Variants in SH3D19 observed in about 807,000 individuals in gnomAD.
SH3D19 encodes the protein SH3 domain-containing protein 19.
SH3D19 carries 58 observed loss-of-function variants against 112.1 expected under a neutral mutation model. That is an observed-to-expected ratio of 0.52 (90% CI 0.42 to 0.64). The LOEUF is 0.64. Among genes scored for constraint, SH3D19 ranks in the 30% least tolerant of loss-of-function variants. The probability of loss-of-function intolerance (pLI) is 0.00; values close to 1 mark genes in which losing one functional copy is unlikely to be tolerated. For missense variants in SH3D19, 1,090 were observed against 1,263.4 expected (o/e 0.86, Z 2.08); for synonymous variants, 391 against 448.5 (o/e 0.87, Z 1.62).
chr4:151,133,458 C>T lies in SH3D19; in HGVS notation c.2487-222G>A, dbSNP rs143737321. ...GGCTGAAGCTCAAGGTCGCGGAGTG[C>T]ACGCAGCTGGGTGGTTAGTTTACCC... On this transcript the variant is annotated intron_variant, in intron 15 of 19. Coordinates refer to ENST00000604030, the MANE Select transcript of SH3D19 (RefSeq NM_001378122.1). Among the ~76,000 whole-genome samples, 219 of 152,248 alleles carry T rather than the reference C, an allele frequency of 1.4e-3. 3 individuals carry two copies. Among genetic ancestry groups the T allele is most frequent in the Admixed American group, 9.4e-3 (144 of 15,286 alleles).
At chr4:151,314,428 AGAG>A (rs1729792068) in intron 1 of SH3D19, among the ~76,000 whole-genome samples, 3 of 152,264 alleles carry the variant, frequency 2.0e-5, no homozygotes, top group Admixed American at 2.0e-4. Flanking sequence ...ATGAGCCTGC[AGAG>A]TAGTTAGGGC....
intron 1 of SH3D19, chr4:151,279,093 A>T: frequency 2.4e-6 from 1 of 423,044 alleles, no homozygotes; most frequent in Admixed American, 2.7e-5. Flanking sequence ...TCCACAGATA[A>T]AGCTGTGGCC....
chr4:151,244,472 C>G (rs141794252), intron 1 of SH3D19, among the ~76,000 whole-genome samples: 2 of 152,232 alleles, frequency 1.3e-5, no homozygotes, highest in East Asian at 1.9e-4. Context: ...TTTTTACACC[C>G]GAGGATCACA....
At chr4:151,246,716 G>A (rs1266348208) in intron 1 of SH3D19, among the ~76,000 whole-genome samples, 1 of 152,120 alleles carries the variant, frequency 6.6e-6, no homozygotes, top group Non-Finnish European at 1.5e-5. Flanking sequence ...CTTCTCAAGA[G>A]CCCTATGAAG....
At chr4:151,291,041 AATTCTCCACCCCTT>A in intron 1 of SH3D19, 1 of 1,168,532 alleles carries the variant, frequency 8.6e-7, no homozygotes. Flanking sequence ...AGTTTTAAAG[AATTCTCCACCCCTT>A]ATTACTACTC....
intron 2 of SH3D19, among the ~76,000 whole-genome samples, chr4:151,220,493 C>T (rs1767849796): frequency 6.6e-6 from 1 of 152,146 alleles, no homozygotes. Flanking sequence ...GTAGTTCAGA[C>T]CCCTAAGTCA....
intron 1 of SH3D19, among the ~76,000 whole-genome samples, chr4:151,314,940 A>G (rs1729846543): frequency 6.6e-6 from 1 of 152,160 alleles, no homozygotes; most frequent in Non-Finnish European, 1.5e-5. Flanking sequence ...CAGTTGAGTG[A>G]ACCCCCTTTA....
chr4:151,306,703 G>A (rs1428970901), intron 1 of SH3D19, among the ~76,000 whole-genome samples: 5 of 152,220 alleles, frequency 3.3e-5, no homozygotes, highest in Admixed American at 3.3e-4. Flanking sequence ...TGTTCTAAAT[G>A]CTATGTAAGT....
At chr4:151,135,640 G>C (rs1222159783) in intron 14 of SH3D19, among the ~76,000 whole-genome samples, 2 of 151,842 alleles carry the variant, frequency 1.3e-5, no homozygotes, top group Admixed American at 6.6e-5. Flanking sequence ...TGTTGCCTGG[G>C]CTGGTCTTGA....
At chr4:151,141,414 C>T (rs1752961739) in intron 12 of SH3D19, among the ~76,000 whole-genome samples, 1 of 152,204 alleles carries the variant, frequency 6.6e-6, no homozygotes, top group Admixed American at 6.5e-5. Flanking sequence ...GAGTGAGCCA[C>T]CGTGCCCAGC....
chr4:151,157,627 A>G (rs1272835724), intron 9 of SH3D19, among the ~76,000 whole-genome samples: 1 of 152,204 alleles, frequency 6.6e-6, no homozygotes, highest in African/African-American at 2.4e-5. Flanking sequence ...TTGAAGAGAC[A>G]TCTGCACATC....
chr4:151,295,071 G>A (rs1775609238), intron 1 of SH3D19, among the ~76,000 whole-genome samples: 1 of 152,246 alleles, frequency 6.6e-6, no homozygotes, highest in Non-Finnish European at 1.5e-5. Context: ...GTGGAAAGGT[G>A]TATGAACTGA....
intron 2 of SH3D19, among the ~76,000 whole-genome samples, chr4:151,188,546 A>T (rs1476647020): frequency 6.6e-6 from 1 of 152,224 alleles, no homozygotes; most frequent in Non-Finnish European, 1.5e-5. Flanking sequence ...TTATGTTACT[A>T]CTGCTCAAAA....
intron 1 of SH3D19, among the ~76,000 whole-genome samples, chr4:151,285,971 A>AT (rs575607365): frequency 6.7e-6 from 1 of 150,364 alleles, no homozygotes; most frequent in East Asian, 2.0e-4. Context: ...AAGGTAGGAG[A>AT]TTTTTTTTCA....
At chr4:151,318,300 CAAAAAAAAAAAA>C (rs752720803) in intron 1 of SH3D19, among the ~76,000 whole-genome samples, 3 of 54,482 alleles carry the variant, frequency 5.5e-5, no homozygotes, top group African/African-American at 1.9e-4. Flanking sequence ...GACTCTGACT[CAAAAAAAAAAAA>C]AAAAAAAAAG....
At chr4:151,147,777 A>G (rs1754188506) in intron 11 of SH3D19, 145 bp downstream of exon 11, 1 of 1,023,396 alleles carries the variant, frequency 9.8e-7, no homozygotes, top group African/African-American at 1.6e-5. Flanking sequence ...CCTAGAATTT[A>G]TTATGGCCTA....
chr4:151,178,112 C>T (rs1016100377), intron 4 of SH3D19, among the ~76,000 whole-genome samples: 1 of 152,180 alleles, frequency 6.6e-6, no homozygotes, highest in African/African-American at 2.4e-5. Context: ...CAAGGGCTCA[C>T]TATCTTGCTC....
At chr4:151,179,171 A>G (rs1185874010) in intron 4 of SH3D19, among the ~76,000 whole-genome samples, 184 bp downstream of exon 4, 1 of 152,256 alleles carries the variant, frequency 6.6e-6, no homozygotes, top group Non-Finnish European at 1.5e-5. Context: ...TCAAGCCTGT[A>G]TCACTCCTTC....
chr4:151,284,698 T>C (rs913966954), intron 1 of SH3D19, among the ~76,000 whole-genome samples: 3 of 152,208 alleles, frequency 2.0e-5, no homozygotes, highest in African/African-American at 4.8e-5. Context: ...ACAATGTCAA[T>C]AGCATGGTGT....
Sources: gnomAD v4.1 joint callset for allele counts (sites outside exome capture counted in the v4.1 genomes callset) on GRCh38, gnomAD v4.1.1 for gene constraint, MANE v1.5 for transcripts, NCBI Gene and HGNC (gene_info 2026-07-23, HGNC 2026-07-21) for gene names.